KLHL1: variants seen among roughly 807,000 people sequenced by gnomAD.
KLHL1 encodes the protein kelch like family member 1.
In KLHL1, 47 loss-of-function variants were observed where a neutral mutation model predicts 77.7. That is an observed-to-expected ratio of 0.60 (90% CI 0.48 to 0.77). The LOEUF (loss-of-function observed/expected upper bound fraction) is 0.77. Ranked by LOEUF, KLHL1 falls within the 30% of genes least tolerant of loss-of-function variation. The pLI is 0.00. For missense variants in KLHL1, 925 were observed against 910.8 expected (o/e 1.02, Z -0.20); for synonymous variants, 360 against 325.2 (o/e 1.11, Z -1.15).
chr13:69,882,115 A>T lies in KLHL1; in HGVS notation c.1227+168T>A, dbSNP rs1881022445. On this transcript the variant is annotated intron_variant, in intron 5 of 10. Coordinates refer to ENST00000377844, the MANE Select transcript of KLHL1 (RefSeq NM_020866.3). ...GGCAGAGATAGGATTTAGATCCACG[A>T]TCCATCATCATACATCATTTTCCAC... 2.0e-5 allele frequency among the ~76,000 whole-genome samples: 3 copies of T among 152,326 alleles called. No homozygotes were observed. The South Asian group carries it at 6.2e-4, about 32-fold the overall frequency.
At chr13:69,924,465 T>A (rs1882748278) in intron 4 of KLHL1, among the ~76,000 whole-genome samples, 1 of 152,022 alleles carries the variant, frequency 6.6e-6, no homozygotes, top group South Asian at 2.1e-4. Context: ...CACTCCAGGG[T>A]CTCACCCCTT....
intron 1 of KLHL1, among the ~76,000 whole-genome samples, chr13:70,045,589 C>G (rs529090122): frequency 6.6e-6 from 1 of 152,112 alleles, no homozygotes; most frequent in Non-Finnish European, 1.5e-5. Flanking sequence ...CACACACACA[C>G]ACACAAGGAA....
chr13:69,741,718 T>C (rs1350322505), intron 7 of KLHL1, among the ~76,000 whole-genome samples: 5 of 152,168 alleles, frequency 3.3e-5, no homozygotes, highest in Non-Finnish European at 7.3e-5. Flanking sequence ...CTTATAACTG[T>C]AAATTATTTC....
intron 2 of KLHL1, among the ~76,000 whole-genome samples, chr13:69,964,122 G>C (rs1368722290): frequency 6.6e-6 from 1 of 151,972 alleles, no homozygotes; most frequent in Non-Finnish European, 1.5e-5. Flanking sequence ...TAGCTCACTG[G>C]CACCTCAAAC....
chr13:69,978,488 ATT>A (rs66960703), intron 1 of KLHL1, among the ~76,000 whole-genome samples: 3,033 of 139,656 alleles, frequency 0.022, 88 homozygotes, highest in Admixed American at 0.081. Context: ...TGGTCAGAAT[ATT>A]TTTTTTTTTT....
At chr13:69,882,751 T>TGA (rs1237719103) in intron 4 of KLHL1, among the ~76,000 whole-genome samples, 2 of 152,174 alleles carry the variant, frequency 1.3e-5, no homozygotes, top group Non-Finnish European at 2.9e-5. Context: ...GCAGGCAGAA[T>TGA]GTACTAAGTG....
chr13:69,706,702 G>A (rs1056662321), intron 10 of KLHL1, among the ~76,000 whole-genome samples: 4 of 152,074 alleles, frequency 2.6e-5, no homozygotes, highest in South Asian at 2.1e-4. Context: ...TGGTAAAAGC[G>A]AGAAATAATA....
In KLHL1 at chr13:69,901,932, G is replaced by A. The variant is rs1881881374; in HGVS notation, c.1015-19437C>T. 2.0e-5 allele frequency among the ~76,000 whole-genome samples: 3 copies of A among 151,762 alleles called. No homozygotes were observed. In the South Asian group the frequency reaches 6.2e-4, roughly 32 times the overall value. On this transcript the variant is annotated intron_variant, in intron 4 of 10. Coordinates refer to ENST00000377844, the MANE Select transcript of KLHL1 (RefSeq NM_020866.3). ...CCTGCCTCAGCCTTCCGAGCAGCTGGGGTTACAAGCATGTACCACCTTGCT... is the reference window on the plus strand; with the variant it reads ...CCTGCCTCAGCCTTCCGAGCAGCTGAGGTTACAAGCATGTACCACCTTGCT...
At chr13:70,022,810 TA>T (rs10706639) in intron 1 of KLHL1, among the ~76,000 whole-genome samples, 133,934 of 151,818 alleles carry the variant, frequency 0.88, 59,261 homozygotes, top group Admixed American at 0.93. Flanking sequence ...AGCCTTTTTT[TA>T]ATGCCTTAAT....
chr13:69,967,763 T>C (rs1884259275), intron 2 of KLHL1, among the ~76,000 whole-genome samples: 1 of 152,008 alleles, frequency 6.6e-6, no homozygotes, highest in South Asian at 2.1e-4. Context: ...CGCGTGCCTG[T>C]AATCCCAGCT....
intron 4 of KLHL1, among the ~76,000 whole-genome samples, chr13:69,926,936 G>C: frequency 1.4e-5 from 1 of 69,756 alleles, no homozygotes; most frequent in Admixed American, 2.7e-4. Flanking sequence ...GACAGAGTGA[G>C]ACTCCATCTC....
At chr13:70,041,103 C>A (rs931015967) in intron 1 of KLHL1, among the ~76,000 whole-genome samples, 1 of 151,948 alleles carries the variant, frequency 6.6e-6, no homozygotes. Flanking sequence ...TCTTCATTGT[C>A]TCTTCTATAC....
chr13:69,788,228 A>G (rs1223969999), intron 7 of KLHL1, among the ~76,000 whole-genome samples: 1 of 152,256 alleles, frequency 6.6e-6, no homozygotes, highest in Non-Finnish European at 1.5e-5. Flanking sequence ...TTATTGTGGC[A>G]CTATTCACAA....
At chr13:70,083,948 A>C (rs1159111958) in intron 1 of KLHL1, among the ~76,000 whole-genome samples, 1 of 152,170 alleles carries the variant, frequency 6.6e-6, no homozygotes, top group East Asian at 1.9e-4. Context: ...ACCACAAAAT[A>C]ATAATAAAAT....
chr13:69,749,596 T>C (rs112901024), intron 7 of KLHL1, among the ~76,000 whole-genome samples: 5 of 151,982 alleles, frequency 3.3e-5, no homozygotes, highest in African/African-American at 9.7e-5. Flanking sequence ...TCATGTAACA[T>C]GGCACATGTT....
chr13:70,042,993 C>A (rs1886412870), intron 1 of KLHL1, among the ~76,000 whole-genome samples: 1 of 152,154 alleles, frequency 6.6e-6, no homozygotes, highest in Admixed American at 6.5e-5. Context: ...GCAACCTCCG[C>A]CTCCCAGATT....
intron 4 of KLHL1, among the ~76,000 whole-genome samples, chr13:69,916,686 C>T (rs924447882): frequency 1.3e-5 from 2 of 151,504 alleles, no homozygotes; most frequent in South Asian, 2.1e-4. Flanking sequence ...TACATGTATA[C>T]GTATGTAACA....
chr13:70,103,803 T>C lies in KLHL1; in HGVS notation c.497+3400A>G, dbSNP rs140880233. Among the ~76,000 whole-genome samples, 30 of 152,256 alleles carry C rather than the reference T, an allele frequency of 2.0e-4. 1 individual carries two copies. In the East Asian group the frequency reaches 5.8e-3, roughly 29 times the overall value. ...ATTGAGCAAGACAGAATAGGAATTA[T>C]AAGCTCAATTTTGTACATGTTATAT... is the stretch of plus-strand genomic sequence containing the variant. On this transcript the variant is annotated intron_variant, in intron 1 of 10. Transcript: ENST00000377844.
intron 6 of KLHL1, among the ~76,000 whole-genome samples, chr13:69,802,336 T>C (rs1169314215): frequency 6.6e-6 from 1 of 152,186 alleles, no homozygotes; most frequent in African/African-American, 2.4e-5. Flanking sequence ...TACGTATCCA[T>C]GTGTCTTTAC....
Sources: gnomAD v4.1 joint callset for allele counts (sites outside exome capture counted in the v4.1 genomes callset) on GRCh38, gnomAD v4.1.1 for gene constraint, MANE v1.5 for transcripts, NCBI Gene and HGNC (gene_info 2026-07-23, HGNC 2026-07-21) for gene names.